The following ACOXL variants were observed in gnomAD, a reference collection of about 807,000 sequenced individuals.
ACOXL encodes the protein acyl-CoA oxidase like.
A neutral mutation model predicts 71.9 loss-of-function variants in ACOXL; 70 were observed. The observed-to-expected ratio is 0.97, with a 90% CI of 0.80 to 1.19. The LOEUF (loss-of-function observed/expected upper bound fraction) is 1.19, where lower values mean the gene tolerates loss of function less well. ACOXL is among the 50% of genes most tolerant of loss of function. The pLI, the probability that ACOXL is intolerant of heterozygous loss-of-function variation, is 0.00. For missense variants in ACOXL, 703 were observed against 736.3 expected (o/e 0.95, Z 0.52); for synonymous variants, 253 against 281.6 (o/e 0.90, Z 1.02).
At chr2:110,926,497 C>A (rs894800620) in intron 11 of ACOXL, among the ~76,000 whole-genome samples, 1 of 152,138 alleles carries the variant, frequency 6.6e-6, no homozygotes, top group Non-Finnish European at 1.5e-5. Context: ...TTGCCACTTG[C>A]TAATTGTATA....
intron 16 of ACOXL, among the ~76,000 whole-genome samples, chr2:111,064,358 C>T (rs1345354615): frequency 1.4e-5 from 2 of 145,026 alleles, no homozygotes; most frequent in Non-Finnish European, 3.0e-5. Context: ...ATGGCGTGAA[C>T]TTGGGAGGCG....
At chr2:110,848,316 T>C (rs547724146) in intron 10 of ACOXL, among the ~76,000 whole-genome samples, 8 of 152,362 alleles carry the variant, frequency 5.3e-5, no homozygotes, top group African/African-American at 1.7e-4. Context: ...TTTTTCAGAC[T>C]TCACAGTGAG....
intron 10 of ACOXL, among the ~76,000 whole-genome samples, chr2:110,906,576 A>T (rs973986518): frequency 9.0e-5 from 10 of 110,550 alleles, no homozygotes; most frequent in Admixed American, 3.0e-4. Context: ...TATCGTACTT[A>T]TTTTTCAGCC....
intron 15 of ACOXL, among the ~76,000 whole-genome samples, chr2:111,048,930 A>T (rs998564552): frequency 6.6e-6 from 1 of 152,140 alleles, no homozygotes; most frequent in African/African-American, 2.4e-5. Flanking sequence ...GGACAAGATG[A>T]CCCAAAAGGA....
chr2:110,892,843 G>T (rs187134937), intron 10 of ACOXL, among the ~76,000 whole-genome samples: 1 of 152,192 alleles, frequency 6.6e-6, no homozygotes, highest in Non-Finnish European at 1.5e-5. Context: ...CAAGGGAATT[G>T]TCTGGGAAGA....
chr2:110,766,719 T>C (rs1387533248), intron 1 of ACOXL, among the ~76,000 whole-genome samples: 1 of 152,128 alleles, frequency 6.6e-6, no homozygotes, highest in Non-Finnish European at 1.5e-5. Flanking sequence ...TGATGGGGTG[T>C]TGGTGTGAAG....
chr2:111,076,972 A>T (rs2067633001), intron 16 of ACOXL, among the ~76,000 whole-genome samples: 1 of 152,178 alleles, frequency 6.6e-6, no homozygotes, highest in Non-Finnish European at 1.5e-5. Context: ...ATAAAGATGC[A>T]TGTGATTGCA....
chr2:110,932,659 G>A (rs1400665936), intron 11 of ACOXL, among the ~76,000 whole-genome samples: 1 of 152,212 alleles, frequency 6.6e-6, no homozygotes. Flanking sequence ...CCTTTTGTGT[G>A]TGTGGTTAAA....
At chr2:110,878,417 C>T (rs992976029) in intron 10 of ACOXL, among the ~76,000 whole-genome samples, 5 of 152,088 alleles carry the variant, frequency 3.3e-5, no homozygotes, top group African/African-American at 9.7e-5. Flanking sequence ...AGTTAGGAAA[C>T]GTGTAGGAAA....
At chr2:110,767,380 G>A (rs952430811) in intron 1 of ACOXL, among the ~76,000 whole-genome samples, 4 of 152,192 alleles carry the variant, frequency 2.6e-5, no homozygotes, top group Non-Finnish European at 5.9e-5. Flanking sequence ...AGGCAGTCAG[G>A]TCTGGCTTCC....
At chr2:110,772,123 A>G (rs1348657317) in intron 2 of ACOXL, among the ~76,000 whole-genome samples, 1 of 152,240 alleles carries the variant, frequency 6.6e-6, no homozygotes, top group African/African-American at 2.4e-5. Flanking sequence ...TTTTACAGAT[A>G]AGTAAACTGA....
chr2:111,025,728 T>C (rs1278611558), intron 14 of ACOXL, among the ~76,000 whole-genome samples: 1 of 152,172 alleles, frequency 6.6e-6, no homozygotes, highest in South Asian at 2.1e-4. Context: ...TGAGATTGCA[T>C]AGATTTTTGC....
intron 15 of ACOXL, among the ~76,000 whole-genome samples, chr2:111,043,716 T>C (rs1574582528): frequency 6.6e-6 from 1 of 151,270 alleles, no homozygotes; most frequent in Non-Finnish European, 1.5e-5. Context: ...GTAAGGGAGG[T>C]CGCTGCCTCT....
At chr2:110,873,786 C>T (rs747166869) in intron 10 of ACOXL, among the ~76,000 whole-genome samples, 4 of 152,218 alleles carry the variant, frequency 2.6e-5, no homozygotes, top group African/African-American at 4.8e-5. Context: ...GCGTTTTCTA[C>T]GTCTGTCCAG....
At chr2:110,909,019 T>C (rs2059558585) in intron 11 of ACOXL, 114 bp downstream of exon 11, 6 of 797,100 alleles carry the variant, frequency 7.5e-6, no homozygotes, top group Non-Finnish European at 1.2e-5. Context: ...CAGGAAAGAG[T>C]CTGTTGTTAA....
intron 14 of ACOXL, among the ~76,000 whole-genome samples, chr2:111,027,541 C>T (rs2065072857): frequency 6.6e-6 from 1 of 151,460 alleles, no homozygotes. Context: ...AGGCTAGGCT[C>T]GAACTCCTGA....
chr2:110,734,796 A>G lies in ACOXL; in HGVS notation c.-23+2022A>G, dbSNP rs115923699. 3.5e-3 allele frequency among the ~76,000 whole-genome samples: 540 copies of G among 152,242 alleles called. 9 individuals are homozygous for G. The highest frequency in any genetic ancestry group is 0.016 in the Admixed American group (239 of 15,296). ...CAGAAGGGACTTCCTTGTGAATTCC[A>G]TAGGGACAGAGGAAAGGCATGCCTG... On this transcript the variant is annotated intron_variant, in intron 1 of 17. Transcript: ENST00000439055.
chr2:111,059,629 T>A (rs1305375726), intron 16 of ACOXL, among the ~76,000 whole-genome samples: 1 of 152,080 alleles, frequency 6.6e-6, no homozygotes, highest in African/African-American at 2.4e-5. Flanking sequence ...AGGTAAGAAC[T>A]AGAAAGTAGA....
chr2:110,831,484 T>TATTGGTATATTG (rs1689817906), intron 9 of ACOXL, among the ~76,000 whole-genome samples: 1 of 152,200 alleles, frequency 6.6e-6, no homozygotes, highest in Admixed American at 6.5e-5. Flanking sequence ...CGTACCATGT[T>TATTGGTATATTG]TATACATTGG....
Sources: allele counts gnomAD v4.1 joint callset (sites outside exome capture counted in the v4.1 genomes callset), GRCh38; gene constraint gnomAD v4.1.1; transcripts MANE v1.5; gene names NCBI Gene and HGNC (gene_info 2026-07-23, HGNC 2026-07-21).